The following CNBD1 variants were observed in gnomAD, a reference collection of about 807,000 sequenced individuals.
The protein encoded by CNBD1 is cyclic nucleotide binding domain containing 1.
Under a neutral mutation model 54.4 loss-of-function variants are expected in CNBD1, and 71 were observed. The ratio of observed to expected loss-of-function variants is 1.30; its 90% CI spans 1.08 to 1.59. CNBD1 has a LOEUF of 1.59. Ranked by LOEUF, CNBD1 falls within the 40% of genes most tolerant of loss-of-function variation. The pLI is 0.00. For synonymous variants in CNBD1, 182 were observed against 170.7 expected, an observed-to-expected ratio of 1.07 and a Z score of -0.51; for missense variants, 659 against 518.0, an observed-to-expected ratio of 1.27 and a Z score of -2.64.
At chr8:87,415,091 A>G (rs1807814135) in intron 2 of CNBD1, among the ~76,000 whole-genome samples, 2 of 152,092 alleles carry the variant, frequency 1.3e-5, no homozygotes, top group South Asian at 4.1e-4. Flanking sequence ...TCATTGCTGT[A>G]TCACAAGGAT....
intron 10 of CNBD1, among the ~76,000 whole-genome samples, chr8:87,361,242 A>C (rs1460156700): frequency 6.6e-6 from 1 of 151,972 alleles, no homozygotes; most frequent in African/African-American, 2.4e-5. Flanking sequence ...TTACTAATAC[A>C]TGTTAAATTT....
At chr8:86,972,806 C>T (rs997326730) in intron 4 of CNBD1, among the ~76,000 whole-genome samples, 1 of 152,174 alleles carries the variant, frequency 6.6e-6, no homozygotes, top group African/African-American at 2.4e-5. Context: ...TGGTTCCTTT[C>T]TTGCCTGTTA....
rs1809415062 is a variant in CNBD1 at position 87,018,523 on chromosome 8, T to C, written c.431+78769T>C. Among the ~76,000 whole-genome samples, 3 of 152,190 alleles carry C rather than the reference T, an allele frequency of 2.0e-5. No homozygotes were observed. In the South Asian group the frequency reaches 6.2e-4, roughly 31 times the overall value. On this transcript the variant is annotated intron_variant, in intron 4 of 10. Coordinates refer to ENST00000518476, the MANE Select transcript of CNBD1 (RefSeq NM_173538.3). ...CCTCTAAAAAGTACTACATTATAAT[T>C]TTTCTTCATATTTTTAGTTGGTACC...
intron 2 of CNBD1, among the ~76,000 whole-genome samples, chr8:87,394,018 CA>C (rs1811364248): frequency 1.3e-5 from 2 of 151,910 alleles, no homozygotes; most frequent in South Asian, 4.1e-4. Flanking sequence ...AGAGTCCAAT[CA>C]ACTTCTAGTT....
intron 4 of CNBD1, among the ~76,000 whole-genome samples, chr8:87,009,437 A>G (rs1363366429): frequency 6.6e-6 from 1 of 151,988 alleles, no homozygotes; most frequent in African/African-American, 2.4e-5. Context: ...AGTAACTGAG[A>G]CTACAGGCAC....
At chr8:87,223,847 C>G (rs1252298808) in intron 5 of CNBD1, among the ~76,000 whole-genome samples, 1 of 152,096 alleles carries the variant, frequency 6.6e-6, no homozygotes, top group Non-Finnish European at 1.5e-5. Flanking sequence ...AACTAGTTTA[C>G]AGTCCCACCA....
chr8:87,350,938 G>T (rs1364212007), intron 8 of CNBD1, among the ~76,000 whole-genome samples: 1 of 151,962 alleles, frequency 6.6e-6, no homozygotes, highest in African/African-American at 2.4e-5. Context: ...ATGTATCTTG[G>T]CCTTAGAGTG....
chr8:87,300,891 A>G (rs936734612), intron 8 of CNBD1, among the ~76,000 whole-genome samples: 7 of 152,166 alleles, frequency 4.6e-5, no homozygotes, highest in Admixed American at 4.6e-4. Flanking sequence ...TTTGTACAAT[A>G]CAAAAGATGA....
intron 2 of CNBD1, among the ~76,000 whole-genome samples, chr8:87,414,417 A>G (rs1280587262): frequency 6.6e-6 from 1 of 152,130 alleles, no homozygotes; most frequent in Non-Finnish European, 1.5e-5. Context: ...GATATACCTA[A>G]TGCTAAATGA....
intron 10 of CNBD1, among the ~76,000 whole-genome samples, chr8:87,354,252 T>C (rs1300896649): frequency 7.0e-6 from 1 of 143,708 alleles, no homozygotes; most frequent in Non-Finnish European, 1.5e-5. Context: ...ATAATAATAT[T>C]AGTCTAAGTC....
intron 4 of CNBD1, among the ~76,000 whole-genome samples, chr8:86,991,816 G>C (rs115687348): frequency 0.019 from 2,928 of 152,182 alleles, 96 homozygotes; most frequent in African/African-American, 0.06. Context: ...ATGTATTTGT[G>C]TAGTTTTGAG....
intron 2 of CNBD1, among the ~76,000 whole-genome samples, chr8:87,397,526 C>T (rs1249082961): frequency 2.0e-5 from 3 of 151,874 alleles, no homozygotes; most frequent in Non-Finnish European, 4.4e-5. Context: ...TAGTTCATGA[C>T]AAGAGACAGA....
chr8:86,944,793 T>C (rs1034423274), intron 4 of CNBD1, among the ~76,000 whole-genome samples: 1 of 152,126 alleles, frequency 6.6e-6, no homozygotes, highest in Admixed American at 6.6e-5. Context: ...TGGCAAAAGG[T>C]CATGTGTGGA....
chr8:87,269,437 G>C (rs1007121947), intron 6 of CNBD1, among the ~76,000 whole-genome samples: 1 of 151,978 alleles, frequency 6.6e-6, no homozygotes, highest in African/African-American at 2.4e-5. Context: ...TTTTGTAATT[G>C]TTTTTTCTAA....
At chr8:86,953,323 G>T (rs1264842508) in intron 4 of CNBD1, among the ~76,000 whole-genome samples, 2 of 152,170 alleles carry the variant, frequency 1.3e-5, no homozygotes, top group Non-Finnish European at 2.9e-5. Context: ...CAAAATGGTT[G>T]TATCATTAGG....
chr8:87,371,876 A>G (rs1408943276), intron 10 of CNBD1, among the ~76,000 whole-genome samples: 2 of 151,970 alleles, frequency 1.3e-5, no homozygotes, highest in Admixed American at 6.6e-5. Context: ...CCCACAGCCA[A>G]TATCATACTG....
At chr8:87,077,258 G>A (rs913687455) in intron 4 of CNBD1, among the ~76,000 whole-genome samples, 4 of 152,100 alleles carry the variant, frequency 2.6e-5, no homozygotes, top group Non-Finnish European at 4.4e-5. Context: ...ATTTCTCACT[G>A]TTCTGGAGAT....
At chr8:87,298,410 T>C (rs1808920950) in intron 8 of CNBD1, among the ~76,000 whole-genome samples, 1 of 151,994 alleles carries the variant, frequency 6.6e-6, no homozygotes. Context: ...CACCCCATGA[T>C]CACTACACCC....
chr8:87,327,760 C>G (rs1586017113), intron 8 of CNBD1, among the ~76,000 whole-genome samples: 1 of 152,196 alleles, frequency 6.6e-6, no homozygotes, highest in East Asian at 1.9e-4. Flanking sequence ...AATCACCCGT[C>G]TTCTGCGTCG....
Sources: allele counts gnomAD v4.1 joint callset (sites outside exome capture counted in the v4.1 genomes callset), GRCh38; gene constraint gnomAD v4.1.1; transcripts MANE v1.5; gene names NCBI Gene and HGNC (gene_info 2026-07-23, HGNC 2026-07-21).